Variants in CCDC171 observed in about 807,000 individuals in gnomAD.
The protein encoded by CCDC171 is coiled-coil domain-containing protein 171.
CCDC171 carries 177 observed loss-of-function variants against 168.2 expected under a neutral mutation model. The observed-to-expected ratio is 1.05, with a 90% CI of 0.93 to 1.19. The LOEUF (loss-of-function observed/expected upper bound fraction) is 1.19, where lower values mean the gene tolerates loss of function less well. Among genes scored for constraint, CCDC171 ranks in the 50% most tolerant of loss-of-function variants. The pLI is 0.00. For synonymous variants in CCDC171, 687 were observed against 540.8 expected (o/e 1.27, Z -3.75); for missense variants, 1,991 against 1,539.0 (o/e 1.29, Z -4.91).
At chr9:15,990,280 T>A (rs1439014333) in intron 3 of CCDC171, among the ~76,000 whole-genome samples, 3 of 148,782 alleles carry the variant, frequency 2.0e-5, no homozygotes, top group Non-Finnish European at 4.4e-5. Context: ...ATATTCAACA[T>A]TCTTAAAAGA....
intron 21 of CCDC171, among the ~76,000 whole-genome samples, chr9:15,823,885 T>C (rs1344586440): frequency 6.6e-6 from 1 of 152,142 alleles, no homozygotes; most frequent in Non-Finnish European, 1.5e-5. Flanking sequence ...AAATTATTTG[T>C]CTTTTAACAA....
At chr9:16,010,099 A>G (rs938970969) in intron 3 of CCDC171, among the ~76,000 whole-genome samples, 3 of 152,126 alleles carry the variant, frequency 2.0e-5, no homozygotes, top group Non-Finnish European at 4.4e-5. Context: ...TAGAAACTTA[A>G]ACAAGAAATT....
intron 25 of CCDC171, among the ~76,000 whole-genome samples, chr9:15,924,373 C>G (rs1364731880): frequency 1.3e-5 from 2 of 150,052 alleles, no homozygotes; most frequent in Admixed American, 6.7e-5. Flanking sequence ...ATATTGCTAC[C>G]TAATACAGAT....
chr9:15,786,640 A>G (rs761761012), intron 21 of CCDC171, among the ~76,000 whole-genome samples: 6 of 152,150 alleles, frequency 3.9e-5, no homozygotes, highest in Non-Finnish European at 8.8e-5. Context: ...ACCTGCACAT[A>G]TATGTCCAGA....
chr9:15,659,348 T>C (rs1292658694), intron 8 of CCDC171, among the ~76,000 whole-genome samples: 2 of 152,250 alleles, frequency 1.3e-5, no homozygotes, highest in East Asian at 1.9e-4. Context: ...TAGACAGTTA[T>C]GACTTTTCGC....
intron 21 of CCDC171, among the ~76,000 whole-genome samples, chr9:15,835,599 G>T (rs981941327): frequency 6.6e-6 from 1 of 151,964 alleles, no homozygotes; most frequent in Non-Finnish European, 1.5e-5. Flanking sequence ...GGCTAATTTT[G>T]TATTTTTAGT....
chr9:15,933,622 G>T (rs1406753561), intron 25 of CCDC171, among the ~76,000 whole-genome samples: 1 of 151,650 alleles, frequency 6.6e-6, no homozygotes, highest in African/African-American at 2.4e-5. Context: ...TTTAATGTAG[G>T]TGCTATAAGC....
At chr9:15,645,276 C>A (rs2046949945) in intron 7 of CCDC171, among the ~76,000 whole-genome samples, 1 of 152,152 alleles carries the variant, frequency 6.6e-6, no homozygotes, top group Non-Finnish European at 1.5e-5. Flanking sequence ...GATAAAACCA[C>A]AAAGATGGGG....
At chr9:15,793,747 C>T (rs1276739622) in intron 21 of CCDC171, among the ~76,000 whole-genome samples, 1 of 151,676 alleles carries the variant, frequency 6.6e-6, no homozygotes, top group Non-Finnish European at 1.5e-5. Flanking sequence ...CAGTGTTTCA[C>T]CATATTGGCT....
chr9:15,647,453 T>C (rs1344322586), intron 7 of CCDC171, among the ~76,000 whole-genome samples: 6 of 151,976 alleles, frequency 3.9e-5, no homozygotes, highest in Non-Finnish European at 7.4e-5. Flanking sequence ...TCAATGAATT[T>C]AGCAGCTGGT....
intron 3 of CCDC171, among the ~76,000 whole-genome samples, chr9:15,578,407 G>GTATTATTATTAT (rs36232245): frequency 4.1e-4 from 55 of 134,294 alleles, no homozygotes; most frequent in African/African-American, 1.1e-3. Context: ...GTTAATTTTT[G>GTATTATTATTAT]TATTATTATT....
At chr9:16,067,413 T>G in the CCDC171 span, among the ~76,000 whole-genome samples, 4,467 of 152,100 alleles carry the variant, frequency 0.029, 206 homozygotes, top group African/African-American at 0.1. Context: ...TTTGTAGGTT[T>G]CCTGTTCACT....
chr9:16,045,294 C>T (rs1224417067), intron 1 of CCDC171, among the ~76,000 whole-genome samples: 2 of 152,152 alleles, frequency 1.3e-5, no homozygotes, highest in South Asian at 2.1e-4. Context: ...AAGGGAACCT[C>T]GTCAAGGTGG....
intron 21 of CCDC171, among the ~76,000 whole-genome samples, chr9:15,801,296 T>C (rs2058809592): frequency 6.6e-6 from 1 of 152,070 alleles, no homozygotes; most frequent in African/African-American, 2.4e-5. Context: ...TTTCAATCAT[T>C]GTTTTATAGT....
At chr9:15,807,646 T>G (rs184567478) in intron 21 of CCDC171, among the ~76,000 whole-genome samples, 4,720 of 150,246 alleles carry the variant, frequency 0.031, 255 homozygotes, top group African/African-American at 0.11. Flanking sequence ...CTCAATTGCC[T>G]TACCTTATGG....
intron 11 of CCDC171, among the ~76,000 whole-genome samples, chr9:15,696,675 T>A (rs2133798327): frequency 6.6e-6 from 1 of 152,342 alleles, no homozygotes; most frequent in African/African-American, 2.4e-5. Flanking sequence ...ATTTTAAATA[T>A]TTCTTCAGAG....
the CCDC171 span, among the ~76,000 whole-genome samples, chr9:16,104,412 C>G: frequency 2.6e-5 from 4 of 152,302 alleles, no homozygotes; most frequent in African/African-American, 9.6e-5. Flanking sequence ...ATTTCTCCCT[C>G]TCTGCCTTTT....
chr9:15,932,992 G>T (rs1279481724), intron 25 of CCDC171, among the ~76,000 whole-genome samples: 1 of 151,960 alleles, frequency 6.6e-6, no homozygotes, highest in Non-Finnish European at 1.5e-5. Context: ...AGTTTGGTTT[G>T]ATAGTATCTT....
At chr9:15,698,104 T>G (rs1457802846) in intron 11 of CCDC171, among the ~76,000 whole-genome samples, 2 of 152,176 alleles carry the variant, frequency 1.3e-5, no homozygotes, top group African/African-American at 4.8e-5. Context: ...ACTTATTTCT[T>G]CTAACTATAT....
Sources: allele counts gnomAD v4.1 joint callset (sites outside exome capture counted in the v4.1 genomes callset), GRCh38; gene constraint gnomAD v4.1.1; transcripts MANE v1.5; gene names NCBI Gene and HGNC (gene_info 2026-07-23, HGNC 2026-07-21).